Variants in TBC1D1 observed in about 807,000 individuals in gnomAD.
TBC1D1 encodes TBC1 domain family member 1.
TBC1D1 carries 89 observed loss-of-function variants against 125.6 expected under a neutral mutation model. The ratio of observed to expected loss-of-function variants is 0.71; its 90% CI spans 0.60 to 0.85. The LOEUF is 0.85. Ranked by LOEUF, TBC1D1 falls within the 40% of genes least tolerant of loss-of-function variation. TBC1D1 has a pLI of 0.00. For synonymous variants in TBC1D1, 565 were observed against 564.1 expected (o/e 1.00, Z -0.02); for missense variants, 1,377 against 1,469.2 (o/e 0.94, Z 1.03).
At chr4:38,053,921 A>G (rs182975346) in intron 11 of TBC1D1, among the ~76,000 whole-genome samples, 20 of 152,346 alleles carry the variant, frequency 1.3e-4, no homozygotes, top group Admixed American at 5.2e-4. Flanking sequence ...GAGAGGCCCA[A>G]TTGGAACTAT....
chr4:37,895,877 G>C, intron 1 of TBC1D1, among the ~76,000 whole-genome samples: 1 of 152,202 alleles, frequency 6.6e-6, no homozygotes, highest in East Asian at 1.9e-4. Flanking sequence ...TCCAAGGGTT[G>C]TTGCTCCCTG....
In TBC1D1 at chr4:37,926,888, G is replaced by A. The variant is rs80093407; in HGVS notation, c.417+24376G>A. On this transcript the variant is annotated intron_variant, in intron 2 of 19. Transcript: ENST00000261439. ...TCCCAGCACTTTGGGAGGCCAAGGC[G>A]GGTGGATTGCTTGAGGCCAGGAGTT... Among the ~76,000 whole-genome samples, 1,472 of 152,308 alleles carry A rather than the reference G, an allele frequency of 9.7e-3. 75 individuals carry two copies. The highest frequency in any genetic ancestry group is 0.078 in the Admixed American group (1,191 of 15,302).
In TBC1D1 at chr4:37,956,312, C is replaced by A. The variant is rs559076243; in HGVS notation, c.417+53800C>A. ...GAGACTACAGGCATGAGCCACCACACCCGGCTTAATGAACTTCTAATACAC... is the reference window on the plus strand; with the variant it reads ...GAGACTACAGGCATGAGCCACCACAACCGGCTTAATGAACTTCTAATACAC... On this transcript the variant is annotated intron_variant, in intron 2 of 19. Coordinates refer to ENST00000261439, the MANE Select transcript of TBC1D1 (RefSeq NM_015173.4). 8.5e-5 allele frequency among the ~76,000 whole-genome samples: 13 copies of A among 152,286 alleles called. 1 individual carries two copies. The South Asian group carries it at 2.7e-3, about 32-fold the overall frequency.
At chr4:38,122,220 G>T (rs1280498882) in intron 17 of TBC1D1, among the ~76,000 whole-genome samples, 1 of 152,144 alleles carries the variant, frequency 6.6e-6, no homozygotes, top group African/African-American at 2.4e-5. Context: ...GCCCTTGCAG[G>T]GGTCATACCC....
intron 10 of TBC1D1, among the ~76,000 whole-genome samples, chr4:38,046,249 G>A (rs1346718327): frequency 2.0e-5 from 3 of 151,932 alleles, no homozygotes; most frequent in Admixed American, 6.6e-5. Flanking sequence ...GCGGGCACCC[G>A]TAGTCCCAGC....
intron 2 of TBC1D1, among the ~76,000 whole-genome samples, chr4:37,943,600 T>C (rs543953684): frequency 2.0e-5 from 3 of 152,260 alleles, no homozygotes; most frequent in African/African-American, 7.2e-5. Context: ...CTTCAATCAC[T>C]GATATCCTTT....
intron 12 of TBC1D1, among the ~76,000 whole-genome samples, chr4:38,054,733 A>G (rs866006853): frequency 6.6e-6 from 1 of 152,340 alleles, no homozygotes; most frequent in South Asian, 2.1e-4. Context: ...AAGGACGTCA[A>G]GTACACTTTG....
intron 2 of TBC1D1, among the ~76,000 whole-genome samples, chr4:37,982,972 A>C (rs1241113983): frequency 6.6e-6 from 1 of 152,188 alleles, no homozygotes; most frequent in African/African-American, 2.4e-5. Context: ...CTGCACTCAC[A>C]GGAGGTTGGT....
intron 2 of TBC1D1, among the ~76,000 whole-genome samples, chr4:37,915,422 T>A (rs564348832): frequency 6.6e-6 from 1 of 152,238 alleles, no homozygotes; most frequent in South Asian, 2.1e-4. Flanking sequence ...TAGATTCCAG[T>A]TGAGTCTGAA....
chr4:38,128,129 G>C (rs1344621828), intron 18 of TBC1D1, among the ~76,000 whole-genome samples: 1 of 152,214 alleles, frequency 6.6e-6, no homozygotes, highest in African/African-American at 2.4e-5. Flanking sequence ...ACAGGAATGA[G>C]AGCAGAGAGC....
chr4:38,119,352 A>G (rs1229491258), intron 17 of TBC1D1, among the ~76,000 whole-genome samples: 3 of 152,090 alleles, frequency 2.0e-5, no homozygotes, highest in Non-Finnish European at 4.4e-5. Flanking sequence ...ACTTTTATCT[A>G]CAAGAACCTT....
intron 2 of TBC1D1, among the ~76,000 whole-genome samples, chr4:37,908,092 G>A (rs989864054): frequency 4.6e-5 from 7 of 152,072 alleles, no homozygotes; most frequent in East Asian, 1.9e-4. Context: ...GGGAAATGGC[G>A]GGGGTTCTTG....
chr4:38,072,604 A>T (rs1443095417), intron 12 of TBC1D1, among the ~76,000 whole-genome samples: 3 of 148,014 alleles, frequency 2.0e-5, no homozygotes, highest in Non-Finnish European at 4.4e-5. Context: ...GTATAGATTT[A>T]AAAAAAATTT....
At chr4:38,101,876 G>C (rs1479227335) in intron 14 of TBC1D1, among the ~76,000 whole-genome samples, 1 of 151,914 alleles carries the variant, frequency 6.6e-6, no homozygotes, top group Admixed American at 6.6e-5. Context: ...AATCACTCTC[G>C]GTTCCCTCTC....
chr4:38,120,694 A>C (rs1763703300), intron 17 of TBC1D1, among the ~76,000 whole-genome samples: 2 of 152,150 alleles, frequency 1.3e-5, no homozygotes, highest in Non-Finnish European at 2.9e-5. Context: ...CATGATACTC[A>C]CACCTTGCTG....
At chr4:37,972,233 G>A (rs1325383659) in intron 2 of TBC1D1, among the ~76,000 whole-genome samples, 4 of 22,156 alleles carry the variant, frequency 1.8e-4, no homozygotes, top group African/African-American at 2.5e-4. Flanking sequence ...CTGTCATCTC[G>A]CACTTTGGGA....
intron 15 of TBC1D1, among the ~76,000 whole-genome samples, chr4:38,113,798 C>T (rs374532712): frequency 2.6e-5 from 4 of 152,116 alleles, no homozygotes; most frequent in East Asian, 3.9e-4. Flanking sequence ...CAAATTGAGG[C>T]GTGCTGTCAG....
At chr4:38,090,437 GTC>G (rs57239189) in intron 13 of TBC1D1, among the ~76,000 whole-genome samples, 1 of 150,960 alleles carries the variant, frequency 6.6e-6, no homozygotes. Context: ...TTTCCCCTCT[GTC>G]TCTCTCTCTC....
intron 6 of TBC1D1, among the ~76,000 whole-genome samples, chr4:38,022,950 T>C (rs1360287626): frequency 6.6e-6 from 1 of 152,196 alleles, no homozygotes; most frequent in Non-Finnish European, 1.5e-5. Context: ...GAATGTTTAT[T>C]ATACACCTGT....
Sources: allele counts gnomAD v4.1 joint callset (sites outside exome capture counted in the v4.1 genomes callset), GRCh38; gene constraint gnomAD v4.1.1; transcripts MANE v1.5; gene names NCBI Gene and HGNC (gene_info 2026-07-23, HGNC 2026-07-21).